The following SSBP2 variants were observed in gnomAD, a reference collection of about 807,000 sequenced individuals.
SSBP2 encodes single-stranded DNA-binding protein 2.
SSBP2 carries 17 observed loss-of-function variants against 61.8 expected under a neutral mutation model. The observed-to-expected ratio is 0.28, with a 90% CI of 0.19 to 0.41. The LOEUF is 0.41. Among genes scored for constraint, SSBP2 ranks in the 10% least tolerant of loss-of-function variants. The pLI is 1.00. For synonymous variants in SSBP2, 139 were observed against 141.3 expected (o/e 0.98, Z 0.12); for missense variants, 310 against 458.7 (o/e 0.68, Z 2.96).
intron 2 of SSBP2, among the ~76,000 whole-genome samples, chr5:81,637,065 A>G (rs952240714): frequency 6.6e-6 from 1 of 152,232 alleles, no homozygotes; most frequent in Non-Finnish European, 1.5e-5. Context: ...TGACCCCAGC[A>G]GCAGTTCATC....
At chr5:81,658,644 G>C (rs1306359346) in intron 1 of SSBP2, among the ~76,000 whole-genome samples, 1 of 152,058 alleles carries the variant, frequency 6.6e-6, no homozygotes, top group African/African-American at 2.4e-5. Flanking sequence ...GACTGTATAA[G>C]TGAGATTATA....
At chr5:81,722,981 T>C (rs1755634767) in intron 1 of SSBP2, among the ~76,000 whole-genome samples, 1 of 151,962 alleles carries the variant, frequency 6.6e-6, no homozygotes, top group Admixed American at 6.6e-5. Context: ...CCAGTATCTA[T>C]TAACATGATA....
intron 6 of SSBP2, among the ~76,000 whole-genome samples, chr5:81,484,419 ATTTG>A (rs759059827): frequency 3.9e-5 from 6 of 152,092 alleles, no homozygotes; most frequent in African/African-American, 1.4e-4. Context: ...ATAAAAATAA[ATTTG>A]TTTGTTAATT....
At chr5:81,517,117 G>A (rs7726719) in intron 4 of SSBP2, among the ~76,000 whole-genome samples, 6,533 of 152,008 alleles carry the variant, frequency 0.043, 460 homozygotes, top group African/African-American at 0.15. Flanking sequence ...ATATATCCAC[G>A]ACTATTTAGG....
At chr5:81,571,909 A>G (rs1258362891) in intron 4 of SSBP2, among the ~76,000 whole-genome samples, 1 of 152,138 alleles carries the variant, frequency 6.6e-6, no homozygotes, top group African/African-American at 2.4e-5. Context: ...AACCATGGAA[A>G]TCCAACTAAT....
At chr5:81,736,194 C>T (rs1222793172) in intron 1 of SSBP2, among the ~76,000 whole-genome samples, 4 of 135,134 alleles carry the variant, frequency 3.0e-5, no homozygotes, top group Admixed American at 7.2e-5. Flanking sequence ...ACACACTCTA[C>T]GGCACTACTG....
intron 1 of SSBP2, among the ~76,000 whole-genome samples, chr5:81,720,360 T>A (rs1409048490): frequency 2.0e-5 from 3 of 152,206 alleles, no homozygotes; most frequent in Non-Finnish European, 4.4e-5. Context: ...ACTGACTGTC[T>A]GTATCATAAT....
intron 1 of SSBP2, among the ~76,000 whole-genome samples, chr5:81,741,739 T>C (rs190210148): frequency 1.3e-5 from 2 of 152,340 alleles, no homozygotes; most frequent in Admixed American, 6.5e-5. Context: ...TATCCACTTA[T>C]GTTACAAAAG....
intron 1 of SSBP2, among the ~76,000 whole-genome samples, chr5:81,678,078 T>C (rs1264805651): frequency 2.0e-5 from 3 of 152,158 alleles, no homozygotes; most frequent in Non-Finnish European, 2.9e-5. Flanking sequence ...AGAACCAGGG[T>C]CTGATATGGC....
At chr5:81,470,966 T>TA (rs35743350) in intron 8 of SSBP2, among the ~76,000 whole-genome samples, 3,308 of 152,018 alleles carry the variant, frequency 0.022, 97 homozygotes, top group African/African-American at 0.067. Context: ...GACCTTTTTT[T>TA]ATTGTACTAT....
At chr5:81,694,951 G>T (rs578137016) in intron 1 of SSBP2, among the ~76,000 whole-genome samples, 1 of 152,244 alleles carries the variant, frequency 6.6e-6, no homozygotes, top group Admixed American at 6.5e-5. Flanking sequence ...AGTGAGCTGT[G>T]ACCACACCAC....
chr5:81,711,186 A>G (rs1754754346), intron 1 of SSBP2, among the ~76,000 whole-genome samples: 1 of 152,062 alleles, frequency 6.6e-6, no homozygotes. Flanking sequence ...GCAGGAAGGG[A>G]ATTAAATAAT....
intron 3 of SSBP2, among the ~76,000 whole-genome samples, chr5:81,622,950 CAATA>C (rs1746752973): frequency 6.6e-6 from 1 of 152,034 alleles, no homozygotes; most frequent in African/African-American, 2.4e-5. Flanking sequence ...ACAGAGAAAA[CAATA>C]AAAACAAAAA....
At chr5:81,743,680 T>A (rs1757175334) in intron 1 of SSBP2, among the ~76,000 whole-genome samples, 1 of 152,178 alleles carries the variant, frequency 6.6e-6, no homozygotes, top group South Asian at 2.1e-4. Flanking sequence ...AATTCTGTAG[T>A]TCTCTCTAAT....
chr5:81,728,135 C>T (rs1756014128), intron 1 of SSBP2, among the ~76,000 whole-genome samples: 1 of 152,024 alleles, frequency 6.6e-6, no homozygotes, highest in Non-Finnish European at 1.5e-5. Context: ...TGTGAACCAC[C>T]GTTAGTCTAA....
At position 81,512,416 on chromosome 5, in the gene SSBP2, C is replaced by T. The variant is rs1768685118; in HGVS notation, c.372+1212G>A. 2.0e-5 allele frequency among the ~76,000 whole-genome samples: 3 copies of T among 152,222 alleles called. No homozygotes were observed. The South Asian group carries it at 6.2e-4, about 32-fold the overall frequency. The stretch of plus-strand genomic sequence containing the variant: ...GTAAAGCATTTAGAATGAAGCATGG[C>T]ATGTAGTTAGCAGTTGTTAAGTGTA... On this transcript the variant is annotated intron_variant, in intron 5 of 16. Coordinates refer to ENST00000320672, the MANE Select transcript of SSBP2 (RefSeq NM_012446.5).
At chr5:81,465,956 C>A (rs1210660959) in intron 9 of SSBP2, among the ~76,000 whole-genome samples, 2 of 151,906 alleles carry the variant, frequency 1.3e-5, no homozygotes, top group Non-Finnish European at 2.9e-5. Context: ...CTATTTCAGG[C>A]AAATTTGCTT....
chr5:81,642,258 C>A (rs1275939321), intron 2 of SSBP2, among the ~76,000 whole-genome samples: 1 of 152,116 alleles, frequency 6.6e-6, no homozygotes, highest in Non-Finnish European at 1.5e-5. Flanking sequence ...ATAACATTTT[C>A]TCTTTATTCT....
In SSBP2 at chr5:81,623,217, AAAC is replaced by A. The variant is rs1338685891; in HGVS notation, c.198-7663_198-7661del. On this transcript the variant is annotated intron_variant, in intron 3 of 16. Transcript: ENST00000320672. ...AATATTACATGCAGCATTATATGAC[AAAC>A]AATATAATATCTCTTCTTCTTTCCT... Among the ~76,000 whole-genome samples, 4 of 152,222 alleles carry A rather than the reference AAAC, an allele frequency of 2.6e-5. No homozygotes were observed. In the East Asian group the frequency reaches 5.8e-4, roughly 22 times the overall value.
Sources: gnomAD v4.1 joint callset for allele counts (sites outside exome capture counted in the v4.1 genomes callset) on GRCh38, gnomAD v4.1.1 for gene constraint, MANE v1.5 for transcripts, NCBI Gene and HGNC (gene_info 2026-07-23, HGNC 2026-07-21) for gene names.